Variants in ARMC8 observed in about 807,000 individuals in gnomAD.
ARMC8 encodes armadillo repeat containing 8.
ARMC8 carries 20 observed loss-of-function variants against 99.3 expected under a neutral mutation model. The ratio of observed to expected loss-of-function variants is 0.20; its 90% CI spans 0.14 to 0.29. The LOEUF (loss-of-function observed/expected upper bound fraction) is 0.29, where lower values mean the gene tolerates loss of function less well. Among genes scored for constraint, ARMC8 ranks in the 10% least tolerant of loss-of-function variants. The pLI, the probability that ARMC8 is intolerant of heterozygous loss-of-function variation, is 1.00. For missense variants in ARMC8, 569 were observed against 809.5 expected, an observed-to-expected ratio of 0.70 and a Z score of 3.60; for synonymous variants, 263 against 278.3, an observed-to-expected ratio of 0.95 and a Z score of 0.55.
At position 138,273,053 on chromosome 3, in the gene ARMC8, T is replaced by C; in HGVS notation, c.1566T>C (p.Asp522=). 6.2e-7 allele frequency: 1 copy of C among 1,613,604 alleles called. No homozygotes were observed. The highest frequency in any genetic ancestry group is 1.1e-5 in the South Asian group (1 of 90,966). ...STEQLFRLLS[D]SDLNVLMKTL... ...AACAGCTATTCCGGTTATTATCAGA[T>C]TCAGATTTGAATGTGCTGATGAAGA... The change falls in exon 17 of 22, where the codon GAT becomes GAC. Residue 522 remains aspartate (D), a synonymous_variant. Coordinates refer to ENST00000469044, the MANE Select transcript of ARMC8 (RefSeq NM_001363941.2).
intron 12 of ARMC8, chr3:138,262,394 A>C: frequency 1.1e-6 from 1 of 909,546 alleles, no homozygotes; most frequent in South Asian, 1.9e-5. Flanking sequence ...CTACAGCTAA[A>C]ATGTGGTTCC....
intron 6 of ARMC8, 150 bp downstream of exon 6, chr3:138,229,160 A>ATATATG (rs1553758029): frequency 1.4e-5 from 1 of 70,908 alleles, no homozygotes; most frequent in African/African-American, 6.1e-5. Flanking sequence ...ATATATATAT[A>ATATATG]TATATATATA....
At chr3:138,244,745 G>C (rs9853581) in intron 11 of ARMC8, among the ~76,000 whole-genome samples, 69,574 of 152,096 alleles carry the variant, frequency 0.46, 18,595 homozygotes, top group East Asian at 0.81. Flanking sequence ...ACATTTCAAA[G>C]AGCTGCTGCA....
rs114267824 is a variant in ARMC8 at position 138,190,622 on chromosome 3, C to T, written c.45+3023C>T. ...TTATCTTCTACATGAACCTGCTATC[C>T]TGTATAAACCGGCTTTCTCAGGTTA... On this transcript the variant is annotated intron_variant, in intron 1 of 21. Transcript: ENST00000469044. Among the ~76,000 whole-genome samples, 1,098 of 152,276 alleles carry T rather than the reference C, an allele frequency of 7.2e-3. 13 individuals are homozygous for T. The highest frequency in any genetic ancestry group is 0.025 in the African/African-American group (1,028 of 41,560).
intron 9 of ARMC8, chr3:138,238,535 A>G (rs866432674): frequency 1.8e-4 from 27 of 152,332 alleles, no homozygotes; most frequent in African/African-American, 5.3e-4. Flanking sequence ...GGCATTTTCA[A>G]TGAATTACTC....
chr3:138,277,898 A>G (rs948545101), intron 18 of ARMC8, among the ~76,000 whole-genome samples: 11 of 151,190 alleles, frequency 7.3e-5, no homozygotes, highest in African/African-American at 2.7e-4. Flanking sequence ...CATTCATATA[A>G]TGGGATATCA....
intron 1 of ARMC8, among the ~76,000 whole-genome samples, chr3:138,189,517 G>T (rs1432551575): frequency 1.3e-5 from 2 of 152,172 alleles, no homozygotes; most frequent in Non-Finnish European, 2.9e-5. Context: ...ATCTTGAATG[G>T]TTGATTCCTT....
intron 1 of ARMC8, among the ~76,000 whole-genome samples, chr3:138,196,914 A>C (rs2043768424): frequency 6.6e-6 from 1 of 152,182 alleles, no homozygotes; most frequent in African/African-American, 2.4e-5. Flanking sequence ...TGGAATGGTA[A>C]AGATTGTAGC....
intron 12 of ARMC8, among the ~76,000 whole-genome samples, chr3:138,252,263 C>T (rs1034530358): frequency 6.6e-6 from 1 of 152,012 alleles, no homozygotes; most frequent in East Asian, 1.9e-4. Flanking sequence ...AGGTTTATGT[C>T]CGTAAAGTTA....
intron 15 of ARMC8, among the ~76,000 whole-genome samples, chr3:138,268,399 AC>A (rs2048474435): frequency 6.6e-6 from 1 of 152,202 alleles, no homozygotes; most frequent in Admixed American, 6.5e-5. Context: ...TGCCCTGTAG[AC>A]GGGGTCTTGG....
intron 2 of ARMC8, among the ~76,000 whole-genome samples, chr3:138,219,427 C>G (rs548322134): frequency 7.2e-5 from 11 of 152,054 alleles, no homozygotes; most frequent in Non-Finnish European, 1.3e-4. Context: ...GGGCATGCTT[C>G]CTGAGGAAGT....
rs866539028 is a variant in ARMC8 at position 138,235,100 on chromosome 3, T to C, written c.595T>C (p.Ser199Pro). 1 of 1,613,212 alleles carries C rather than the reference T, an allele frequency of 6.2e-7. No individual in the cohort carries two copies. The highest frequency in any genetic ancestry group is 1.7e-5 in the Admixed American group (1 of 59,978). ...AVQNIAHLLT[S>P]LSYKVRMQAL... ...TCAGAATATTGCTCACCTACTAACC[T>C]CACTGTCCTACAAAGTAAGATGTTA... The change falls in exon 7 of 22, where the codon TCA (serine) becomes CCA (proline). Residue 199 changes from serine (S) to proline (P), a missense_variant. By Grantham distance (74) the Ser-to-Pro change is moderately conservative. Coordinates refer to ENST00000469044, the MANE Select transcript of ARMC8 (RefSeq NM_001363941.2).
chr3:138,198,948 T>C lies in ARMC8; in HGVS notation c.46-10869T>C, dbSNP rs565693608. 2.6e-5 allele frequency among the ~76,000 whole-genome samples: 4 copies of C among 152,266 alleles called. No individual in the cohort carries two copies. The South Asian group carries it at 8.3e-4, about 32-fold the overall frequency. On this transcript the variant is annotated intron_variant, in intron 1 of 21. Transcript: ENST00000469044. The stretch of plus-strand genomic sequence containing the variant: ...GCTTACCTCTTATGCTATACAAGTA[T>C]ATTAAATTTAAAAATTATATATTTT...
chr3:138,192,991 T>G (rs188606771), intron 1 of ARMC8, among the ~76,000 whole-genome samples: 1 of 152,072 alleles, frequency 6.6e-6, no homozygotes, highest in African/African-American at 2.4e-5. Context: ...ATTTTTGATA[T>G]GTGTTTCGCT....
chr3:138,225,864 T>TC (rs1344111675), intron 5 of ARMC8, among the ~76,000 whole-genome samples: 1 of 152,152 alleles, frequency 6.6e-6, no homozygotes, highest in African/African-American at 2.4e-5. Flanking sequence ...GTCACATGGC[T>TC]CCCTAGTCTG....
intron 19 of ARMC8, 41 bp from the exon 20 acceptor site, chr3:138,289,007 T>C: frequency 6.5e-7 from 1 of 1,539,310 alleles, no homozygotes; most frequent in East Asian, 2.3e-5. Flanking sequence ...AAAATGAGAT[T>C]ACCACCATTT....
chr3:138,294,094 C>T (rs1249727076), intron 21 of ARMC8, among the ~76,000 whole-genome samples: 1 of 152,142 alleles, frequency 6.6e-6, no homozygotes, highest in Non-Finnish European at 1.5e-5. Context: ...ACCTAGCCAA[C>T]CTCTGAATAA....
At chr3:138,264,254 C>A in intron 14 of ARMC8, 42 bp downstream of exon 14, 2 of 1,517,956 alleles carry the variant, frequency 1.3e-6, no homozygotes, top group South Asian at 2.3e-5. Flanking sequence ...TACTCACAGA[C>A]CCTAGAGTGA....
At chr3:138,256,402 CTT>C (rs71146121) in intron 12 of ARMC8, among the ~76,000 whole-genome samples, 2 of 90,300 alleles carry the variant, frequency 2.2e-5, no homozygotes, top group African/African-American at 9.1e-5. Context: ...TTTCCTCCTT[CTT>C]TTTTTTTTTT....
Sources: allele counts gnomAD v4.1 joint callset (sites outside exome capture counted in the v4.1 genomes callset), GRCh38; gene constraint gnomAD v4.1.1; transcripts MANE v1.5; gene names NCBI Gene and HGNC (gene_info 2026-07-23, HGNC 2026-07-21).